Variants in PPP1R9A observed in about 807,000 individuals in gnomAD.
PPP1R9A encodes neurabin-1.
In PPP1R9A, 59 loss-of-function variants were observed where a neutral mutation model predicts 141.9. That is an observed-to-expected ratio of 0.42 (90% CI 0.34 to 0.52). The LOEUF (loss-of-function observed/expected upper bound fraction) is 0.52, where lower values mean the gene tolerates loss of function less well. Ranked by LOEUF, PPP1R9A falls within the 20% of genes least tolerant of loss-of-function variation. The pLI is 0.10. For missense variants in PPP1R9A, 1,444 were observed against 1,611.9 expected (o/e 0.90, Z 1.78); for synonymous variants, 500 against 569.7 (o/e 0.88, Z 1.74).
chr7:95,192,074 G>A (rs989494357), intron 5 of PPP1R9A, among the ~76,000 whole-genome samples: 63 of 151,948 alleles, frequency 4.1e-4, no homozygotes, highest in African/African-American at 1.4e-3. Flanking sequence ...TATTTCAGTG[G>A]CAACAGAAAT....
intron 2 of PPP1R9A, among the ~76,000 whole-genome samples, chr7:95,007,648 A>G (rs938342928): frequency 1.2e-4 from 19 of 152,228 alleles, no homozygotes; most frequent in Admixed American, 3.3e-4. Context: ...ATCAACAAAT[A>G]TGTAAAAACC....
chr7:95,239,682 A>G (rs1005202918), intron 8 of PPP1R9A, among the ~76,000 whole-genome samples: 1 of 152,050 alleles, frequency 6.6e-6, no homozygotes, highest in Non-Finnish European at 1.5e-5. Flanking sequence ...ATTTTATGCT[A>G]TATGTTTCTT....
intron 2 of PPP1R9A, among the ~76,000 whole-genome samples, chr7:95,067,124 T>C (rs1219419852): frequency 3.3e-5 from 5 of 152,256 alleles, no homozygotes; most frequent in African/African-American, 9.6e-5. Flanking sequence ...ATAAAGATAT[T>C]TTTATACATA....
At chr7:95,070,596 T>TAC (rs1554492025) in intron 2 of PPP1R9A, among the ~76,000 whole-genome samples, 22 of 121,362 alleles carry the variant, frequency 1.8e-4, no homozygotes, top group African/African-American at 6.1e-4. Flanking sequence ...ATCTCTGGTA[T>TAC]ATATATATAT....
intron 8 of PPP1R9A, among the ~76,000 whole-genome samples, chr7:95,227,700 AC>A (rs1179104628): frequency 6.6e-6 from 1 of 152,040 alleles, no homozygotes; most frequent in East Asian, 1.9e-4. Flanking sequence ...AATGTTACTG[AC>A]CCTGGTGTAG....
chr7:95,141,613 C>T (rs758028862), intron 4 of PPP1R9A, among the ~76,000 whole-genome samples: 4 of 149,050 alleles, frequency 2.7e-5, no homozygotes, highest in African/African-American at 1.0e-4. Flanking sequence ...AAATGGAATA[C>T]AGTATGTGGT....
chr7:95,111,532 A>G, intron 3 of PPP1R9A, 141 bp downstream of exon 3: 1 of 902,224 alleles, frequency 1.1e-6, no homozygotes, highest in Non-Finnish European at 1.6e-6. Flanking sequence ...AGTTTCAAAA[A>G]TAGTTGATAT....
In PPP1R9A at chr7:94,949,865, A is replaced by G. The variant is rs181155251; in HGVS notation, c.1395+38357A>G. On this transcript the variant is annotated intron_variant, in intron 2 of 19. Transcript: ENST00000433360. ...TAAAGGAGGCATTCCAAAATGGTTC[A>G]TGCTTCAAAATGACATGTTTTCTTT... Among the ~76,000 whole-genome samples the G allele has an allele frequency of 3.3e-4, 49 of 149,732 alleles. 1 individual carries two copies. Among genetic ancestry groups the G allele is most frequent in the Middle Eastern group, 7.1e-3 (2 of 282 alleles).
intron 4 of PPP1R9A, among the ~76,000 whole-genome samples, chr7:95,135,056 C>T (rs1208013394): frequency 1.3e-5 from 2 of 152,164 alleles, no homozygotes; most frequent in African/African-American, 4.8e-5. Flanking sequence ...GAGTCAGCAG[C>T]CCCTCCTCTT....
In PPP1R9A at chr7:95,124,346, A is replaced by G. The variant is rs372493751; in HGVS notation, c.1649+3514A>G. ...ATGATGCCCTTCTTGTGTAGGGTAT[A>G]TATTCTATTTCTTCTTTTCTCTCTC... On this transcript the variant is annotated intron_variant, in intron 4 of 19. Coordinates refer to ENST00000433360, the MANE Select transcript of PPP1R9A (RefSeq NM_001166160.2). Among the ~76,000 whole-genome samples, 60 of 152,192 alleles carry G rather than the reference A, an allele frequency of 3.9e-4. 1 individual carries two copies. The South Asian group carries it at 0.012, about 31-fold the overall frequency.
At chr7:95,009,407 G>A (rs901499876) in intron 2 of PPP1R9A, among the ~76,000 whole-genome samples, 10 of 152,180 alleles carry the variant, frequency 6.6e-5, no homozygotes, top group Non-Finnish European at 1.2e-4. Context: ...GGTGTGCTGG[G>A]ATTCTTAACG....
At chr7:95,081,768 G>C (rs1336635679) in intron 2 of PPP1R9A, among the ~76,000 whole-genome samples, 1 of 152,118 alleles carries the variant, frequency 6.6e-6, no homozygotes, top group Non-Finnish European at 1.5e-5. Flanking sequence ...TCAGAATTTT[G>C]GAAATTAACC....
intron 6 of PPP1R9A, chr7:95,202,610 G>A: frequency 2.2e-6 from 2 of 911,158 alleles, no homozygotes; most frequent in Non-Finnish European, 2.6e-6. Flanking sequence ...CAGACAATCA[G>A]CACTATTTCA....
intron 2 of PPP1R9A, among the ~76,000 whole-genome samples, chr7:95,017,661 A>T (rs907458430): frequency 3.3e-5 from 5 of 152,128 alleles, no homozygotes; most frequent in African/African-American, 4.8e-5. Flanking sequence ...AAAGAAGTTT[A>T]AAAAAAAGAA....
chr7:95,067,411 T>A (rs1455675687), intron 2 of PPP1R9A, among the ~76,000 whole-genome samples: 6 of 152,208 alleles, frequency 3.9e-5, no homozygotes, highest in Admixed American at 3.3e-4. Flanking sequence ...ATATATTATC[T>A]GAGGCGATAC....
intron 2 of PPP1R9A, among the ~76,000 whole-genome samples, chr7:94,962,619 A>G (rs2151137622): frequency 6.6e-6 from 1 of 152,260 alleles, no homozygotes; most frequent in African/African-American, 2.4e-5. Flanking sequence ...TATTCAATCA[A>G]AAAACTCATG....
intron 2 of PPP1R9A, among the ~76,000 whole-genome samples, chr7:94,992,298 C>G (rs1475796554): frequency 6.6e-6 from 1 of 152,182 alleles, no homozygotes; most frequent in Non-Finnish European, 1.5e-5. Flanking sequence ...CCATGTTGTG[C>G]AAGTATCAAT....
chr7:94,992,357 G>A (rs854745), intron 2 of PPP1R9A, among the ~76,000 whole-genome samples: 55,619 of 151,946 alleles, frequency 0.37, 11,357 homozygotes, highest in Middle Eastern at 0.51. Context: ...TTATGGCTGT[G>A]CCACAATTCA....
At chr7:95,287,060 T>C in intron 18 of PPP1R9A, 1 of 1,561,446 alleles carries the variant, frequency 6.4e-7, no homozygotes, top group Non-Finnish European at 8.8e-7. Flanking sequence ...TTGTGTCTCC[T>C]GTTTCTGTAA....
Sources: allele counts gnomAD v4.1 joint callset (sites outside exome capture counted in the v4.1 genomes callset), GRCh38; gene constraint gnomAD v4.1.1; transcripts MANE v1.5; gene names NCBI Gene and HGNC (gene_info 2026-07-23, HGNC 2026-07-21).